Variants in SLC2A9 observed in about 807,000 individuals in gnomAD.
The protein encoded by SLC2A9 is solute carrier family 2, facilitated glucose transporter member 9.
In SLC2A9, 39 loss-of-function variants were observed where a neutral mutation model predicts 50.6. That is an observed-to-expected ratio of 0.77 (90% CI 0.60 to 1.01). SLC2A9 has a LOEUF of 1.01. Ranked by LOEUF, SLC2A9 falls within the 50% of genes least tolerant of loss-of-function variation. The probability of loss-of-function intolerance (pLI) is 0.00; values close to 1 mark genes in which losing one functional copy is unlikely to be tolerated. For synonymous variants in SLC2A9, 324 were observed against 276.9 expected (o/e 1.17, Z -1.69); for missense variants, 686 against 677.6 (o/e 1.01, Z -0.14).
At chr4:9,959,657 T>C (rs1319942018) in intron 5 of SLC2A9, among the ~76,000 whole-genome samples, 1 of 152,228 alleles carries the variant, frequency 6.6e-6, no homozygotes, top group East Asian at 1.9e-4. Flanking sequence ...TTTCAATCAT[T>C]TGCTTGCATT....
chr4:9,937,960 G>T (rs1436194075), intron 6 of SLC2A9, among the ~76,000 whole-genome samples: 2 of 152,202 alleles, frequency 1.3e-5, no homozygotes, highest in Non-Finnish European at 2.9e-5. Context: ...GGGCCTGCCC[G>T]TATCTATGAT....
intron 3 of SLC2A9, among the ~76,000 whole-genome samples, chr4:9,790,565 G>T (rs147322280): frequency 2.0e-5 from 3 of 152,164 alleles, no homozygotes; most frequent in African/African-American, 7.2e-5. Context: ...TGACATGGAG[G>T]GGCCTGGTTA....
chr4:9,942,405 G>A (rs1344560550), intron 5 of SLC2A9, among the ~76,000 whole-genome samples: 1 of 152,196 alleles, frequency 6.6e-6, no homozygotes, highest in Non-Finnish European at 1.5e-5. Flanking sequence ...TTCAACACCA[G>A]GGCTGCCTCC....
upstream of SLC2A9, among the ~76,000 whole-genome samples, chr4:10,024,940 C>T (rs767368967): frequency 6.6e-6 from 1 of 152,154 alleles, no homozygotes; most frequent in Non-Finnish European, 1.5e-5. Context: ...ATGTAAGCAC[C>T]AAGAAAAGAT....
intron 5 of SLC2A9, among the ~76,000 whole-genome samples, chr4:9,946,273 G>A (rs552043037): frequency 1.3e-4 from 20 of 152,238 alleles, no homozygotes; most frequent in Middle Eastern, 3.4e-3. Context: ...TTAATCTGCA[G>A]GTTTCCATGT....
intron 11 of SLC2A9, among the ~76,000 whole-genome samples, chr4:9,832,726 C>T (rs1726377664): frequency 6.6e-6 from 1 of 152,144 alleles, no homozygotes; most frequent in South Asian, 2.1e-4. Context: ...GTGCAGTGAC[C>T]TTGGAAGTTA....
At chr4:9,867,112 C>G (rs1732618251) in intron 10 of SLC2A9, among the ~76,000 whole-genome samples, 1 of 152,186 alleles carries the variant, frequency 6.6e-6, no homozygotes, top group Non-Finnish European at 1.5e-5. Flanking sequence ...ATGCAATGGG[C>G]ACTTTTCCAT....
chr4:9,979,438 T>C (rs1029249682), intron 5 of SLC2A9, among the ~76,000 whole-genome samples: 5 of 152,068 alleles, frequency 3.3e-5, no homozygotes, highest in Non-Finnish European at 5.9e-5. Context: ...CGACCATCAT[T>C]AGTGGTTTAA....
downstream of SLC2A9, among the ~76,000 whole-genome samples, chr4:9,824,284 T>C (rs746555484): frequency 6.7e-6 from 1 of 149,636 alleles, no homozygotes; most frequent in Non-Finnish European, 1.5e-5. Context: ...CCCCCTGACA[T>C]TGAACTCTAC....
At chr4:9,814,813 A>T (rs556284969) in intron 3 of SLC2A9, among the ~76,000 whole-genome samples, 1 of 152,148 alleles carries the variant, frequency 6.6e-6, no homozygotes, top group African/African-American at 2.4e-5. Context: ...GTGGTAAAAG[A>T]AAGTTGCACG....
intron 5 of SLC2A9, among the ~76,000 whole-genome samples, chr4:9,943,038 T>C (rs1036411243): frequency 6.6e-6 from 1 of 152,154 alleles, no homozygotes; most frequent in Admixed American, 6.5e-5. Context: ...ACCCTCAGGA[T>C]CCTGGGGCAC....
chr4:9,807,796 C>A (rs1722320184), intron 3 of SLC2A9, among the ~76,000 whole-genome samples: 1 of 152,164 alleles, frequency 6.6e-6, no homozygotes, highest in Non-Finnish European at 1.5e-5. Flanking sequence ...AGGACGGTTT[C>A]TCTAAGGAGA....
chr4:10,025,401 T>C (rs967749638), upstream of SLC2A9, among the ~76,000 whole-genome samples: 3 of 152,124 alleles, frequency 2.0e-5, no homozygotes, highest in African/African-American at 7.2e-5. Flanking sequence ...GAGAGCCCTA[T>C]GTAAAGGTCC....
intron 5 of SLC2A9, among the ~76,000 whole-genome samples, chr4:9,974,066 G>A (rs943977785): frequency 6.6e-6 from 1 of 152,026 alleles, no homozygotes; most frequent in Non-Finnish European, 1.5e-5. Flanking sequence ...GCAGAAAAAT[G>A]TTTTGATAAA....
At chr4:9,896,778 A>G (rs902718040) in intron 8 of SLC2A9, among the ~76,000 whole-genome samples, 1 of 152,146 alleles carries the variant, frequency 6.6e-6, no homozygotes, top group Non-Finnish European at 1.5e-5. Context: ...TGCCATTCAC[A>G]TTTTTCCATG....
At chr4:9,819,132 A>AAAAAAAAAAAAAAC (rs1724049457) in intron 3 of SLC2A9, among the ~76,000 whole-genome samples, 1 of 151,638 alleles carries the variant, frequency 6.6e-6, no homozygotes, top group Non-Finnish European at 1.5e-5. Flanking sequence ...AAAAAAAAAA[A>AAAAAAAAAAAAAAC]AAAAAAAAGT....
At chr4:9,942,888 A>G (rs1166926641) in intron 5 of SLC2A9, among the ~76,000 whole-genome samples, 3 of 152,254 alleles carry the variant, frequency 2.0e-5, no homozygotes, top group Non-Finnish European at 4.4e-5. Context: ...CAAGTCCTCA[A>G]TGCCACATCC....
At chr4:9,981,882 C>CT (rs201949415) in intron 4 of SLC2A9, among the ~76,000 whole-genome samples, 16,033 of 143,638 alleles carry the variant, frequency 0.11, 1,267 homozygotes, top group East Asian at 0.46. Flanking sequence ...GCTTTAAATT[C>CT]TTTTTTTTTT....
At chr4:9,966,861 C>T (rs1216687533) in intron 5 of SLC2A9, among the ~76,000 whole-genome samples, 1 of 152,042 alleles carries the variant, frequency 6.6e-6, no homozygotes, top group African/African-American at 2.4e-5. Context: ...TTTGAGGTTT[C>T]CTTTTGCACA....
Sources: allele counts gnomAD v4.1 joint callset (sites outside exome capture counted in the v4.1 genomes callset), GRCh38; gene constraint gnomAD v4.1.1; transcripts MANE v1.5; gene names NCBI Gene and HGNC (gene_info 2026-07-23, HGNC 2026-07-21).